The following RPN1 variants were observed in gnomAD, a reference collection of about 807,000 sequenced individuals.
The protein encoded by RPN1 is ribophorin I.
Under a neutral mutation model 55.5 loss-of-function variants are expected in RPN1, and 12 were observed. That is an observed-to-expected ratio of 0.22 (90% CI 0.14 to 0.35). The LOEUF is 0.35. Ranked by LOEUF, RPN1 falls within the 10% of genes least tolerant of loss-of-function variation. The pLI, the probability that RPN1 is intolerant of heterozygous loss-of-function variation, is 1.00. For missense variants in RPN1, 679 were observed against 761.3 expected (o/e 0.89, Z 1.27); for synonymous variants, 317 against 305.9 (o/e 1.04, Z -0.38).
At chr3:128,648,056 C>T (rs561264957) in intron 1 of RPN1, among the ~76,000 whole-genome samples, 18 of 152,044 alleles carry the variant, frequency 1.2e-4, no homozygotes, top group African/African-American at 4.3e-4. Context: ...GTCAGGAGTT[C>T]GAGAGCAGCC....
intron 2 of RPN1, among the ~76,000 whole-genome samples, chr3:128,638,307 C>T (rs2069696667): frequency 6.6e-6 from 1 of 152,138 alleles, no homozygotes; most frequent in African/African-American, 2.4e-5. Flanking sequence ...CCACAACCTC[C>T]ACCTCTTGGG....
chr3:128,631,878 G>GA, intron 4 of RPN1, 70 bp downstream of exon 4: 5 of 1,551,702 alleles, frequency 3.2e-6, no homozygotes, highest in Non-Finnish European at 4.4e-6. Flanking sequence ...AGCTAGTTTC[G>GA]AAAAGCAAAG....
At chr3:128,629,039 C>G (rs2107715017) in intron 5 of RPN1, among the ~76,000 whole-genome samples, 1 of 152,134 alleles carries the variant, frequency 6.6e-6, no homozygotes, top group South Asian at 2.1e-4. Context: ...TAGAGATATA[C>G]ACTTGGGTGA....
At chr3:128,636,503 C>T (rs887821678) in intron 3 of RPN1, among the ~76,000 whole-genome samples, 1 of 149,512 alleles carries the variant, frequency 6.7e-6, no homozygotes, top group African/African-American at 2.5e-5. Flanking sequence ...AAAAAAGAAA[C>T]AATTATTTCA....
intron 9 of RPN1, among the ~76,000 whole-genome samples, chr3:128,621,655 A>T (rs1025963779): frequency 3.9e-5 from 6 of 152,196 alleles, no homozygotes; most frequent in Non-Finnish European, 8.8e-5. Flanking sequence ...CATAGCTTGT[A>T]TCAGGACAGG....
In RPN1 at chr3:128,632,135, T is replaced by G. The variant is rs752445372; in HGVS notation, c.656A>C (p.Glu219Ala). The G allele has an allele frequency of 1.9e-6, 3 of 1,614,114 alleles. No individual in the cohort carries two copies. The highest frequency in any genetic ancestry group is 4.5e-5 in the East Asian group (2 of 44,896). ...GATGGTCAGGAAAGGGCTGTTGTTC[T>G]CATAATGTACTTTAAAAGTATCCTG... ...YSQDTFKVHY[E>A]NNSPFLTITS... The change falls in exon 4 of 10, where the codon GAG (glutamate) becomes GCG (alanine). Residue 219 changes from glutamate to alanine, a missense_variant. By Grantham distance (107) the Glu-to-Ala change is moderately radical. Coordinates refer to ENST00000296255, the MANE Select transcript of RPN1 (RefSeq NM_002950.4).
At chr3:128,647,591 C>G (rs2069778300) in intron 1 of RPN1, among the ~76,000 whole-genome samples, 1 of 150,982 alleles carries the variant, frequency 6.6e-6, no homozygotes, top group South Asian at 2.1e-4. Flanking sequence ...ACTCAGGGGG[C>G]TAGGTGGGAG....
Position 128,637,106 on chromosome 3 carries a change from C to T in RPN1, c.633+693G>A, listed in dbSNP as rs759818717. 2.0e-5 allele frequency among the ~76,000 whole-genome samples: 3 copies of T among 152,024 alleles called. No individual in the cohort carries two copies. In the South Asian group the frequency reaches 6.3e-4, roughly 32 times the overall value. On this transcript the variant is annotated intron_variant, in intron 3 of 9. Coordinates refer to ENST00000296255, the MANE Select transcript of RPN1 (RefSeq NM_002950.4). The stretch of plus-strand genomic sequence containing the variant: ...ATAAAAAATTAACTGGGCATGGTGA[C>T]GCACACCTGTCACTCCAGCTACATG...
At chr3:128,645,750 G>C (rs2069762237) in intron 1 of RPN1, among the ~76,000 whole-genome samples, 1 of 152,150 alleles carries the variant, frequency 6.6e-6, no homozygotes, top group Non-Finnish European at 1.5e-5. Flanking sequence ...CTGGGAGGCA[G>C]AGGTTGCAGT....
At chr3:128,647,550 G>T (rs2069777618) in intron 1 of RPN1, among the ~76,000 whole-genome samples, 1 of 152,002 alleles carries the variant, frequency 6.6e-6, no homozygotes, top group African/African-American at 2.4e-5. Flanking sequence ...TAATTAGCCA[G>T]GCGTAGTGGT....
intron 6 of RPN1, among the ~76,000 whole-genome samples, chr3:128,626,508 T>C (rs147679206): frequency 6.6e-6 from 1 of 152,312 alleles, no homozygotes; most frequent in African/African-American, 2.4e-5. Context: ...GAACTACTCT[T>C]CCACTATGGA....
At position 128,625,664 on chromosome 3, in the gene RPN1, C is replaced by G; in HGVS notation, c.1276-11G>C. 6.2e-7 allele frequency: 1 copy of G among 1,613,912 alleles called. No individual in the cohort carries two copies. Among genetic ancestry groups the G allele is most frequent in the Non-Finnish European group, 8.5e-7 (1 of 1,180,002 alleles). ...GAACGTGTAGTGGACCTGGGAGAAG[C>G]AAGAGGACAGGCTTCATCGGGGCTG... On this transcript the variant is annotated splice_polypyrimidine_tract_variant and intron_variant, in intron 7 of 9. Coordinates refer to ENST00000296255, the MANE Select transcript of RPN1 (RefSeq NM_002950.4).
rs773568912 is a variant in RPN1 at position 128,625,538 on chromosome 3, G to C, written c.1391C>G (p.Thr464Ser). 8 of 1,614,078 alleles carry C rather than the reference G, an allele frequency of 5.0e-6. No homozygotes were observed. In the South Asian group the frequency reaches 8.8e-5, roughly 18 times the overall value. The change falls in exon 8 of 10, where the codon ACC becomes AGC. Residue 464 changes from threonine (T) to serine (S), a missense_variant. Coordinates refer to ENST00000296255, the MANE Select transcript of RPN1 (RefSeq NM_002950.4). ...IIYVRLDFSI[T>S]KDPAAEARMK... Reference sequence around the variant, plus strand: ...GGAAGAAGGCAGAGACGGTACCTTGGTGATGGAGAAGTCCAGCCGAACATA... The same window carrying C: ...GGAAGAAGGCAGAGACGGTACCTTGCTGATGGAGAAGTCCAGCCGAACATA...
intron 2 of RPN1, chr3:128,640,933 T>A (rs529480100): frequency 2.6e-5 from 4 of 152,304 alleles, no homozygotes; most frequent in Admixed American, 2.6e-4. Context: ...ATAATTTAAT[T>A]TTGCTTTGAT....
chr3:128,640,091 G>A lies in RPN1; in HGVS notation c.327-1986C>T, dbSNP rs149068939. The stretch of plus-strand genomic sequence containing the variant: ...GGAGGCTGAGACAGGAGAATTGCTT[G>A]AACCTGGGAGGCGGAGGTTGCAGTG... On this transcript the variant is annotated intron_variant, in intron 2 of 9. Coordinates refer to ENST00000296255, the MANE Select transcript of RPN1 (RefSeq NM_002950.4). 4.7e-3 allele frequency among the ~76,000 whole-genome samples: 709 copies of A among 152,138 alleles called. 11 individuals are homozygous for A. The highest frequency in any genetic ancestry group is 0.016 in the African/African-American group (676 of 41,526).
intron 2 of RPN1, among the ~76,000 whole-genome samples, chr3:128,639,444 T>G (rs920124435): frequency 8.5e-6 from 1 of 118,136 alleles, no homozygotes; most frequent in African/African-American, 3.3e-5. Flanking sequence ...CAGAGCGAGA[T>G]ACCGTCTCAA....
Position 128,632,113 on chromosome 3 carries a change from G to A in RPN1, c.678C>T (p.Thr226=), listed in dbSNP as rs1206796051. Residue 226 remains threonine, a synonymous_variant, in exon 4 of 10, where the codon ACC becomes ACT. Transcript: ENST00000296255. ...CAATGACTCGGGTCATGCTGGTGAT[G>A]GTCAGGAAAGGGCTGTTGTTCTCAT... ...VHYENNSPFL[T]ITSMTRVIEV... 1 of 1,614,128 alleles carries A rather than the reference G, an allele frequency of 6.2e-7. No homozygotes were observed. The highest frequency in any genetic ancestry group is 8.5e-7 in the Non-Finnish European group (1 of 1,180,032).
intron 7 of RPN1, 59 bp downstream of exon 7, chr3:128,625,815 C>T (rs773656328): frequency 3.2e-6 from 5 of 1,558,274 alleles, no homozygotes; most frequent in Non-Finnish European, 4.4e-6. Flanking sequence ...GAGTTCTTGG[C>T]CCCCAGAGCC....
At chr3:128,649,140 T>C (rs1226039524) in intron 1 of RPN1, among the ~76,000 whole-genome samples, 1 of 152,192 alleles carries the variant, frequency 6.6e-6, no homozygotes. Context: ...ATTACCCGGA[T>C]TGTGGTAATG....
Sources: gnomAD v4.1 joint callset for allele counts (sites outside exome capture counted in the v4.1 genomes callset) on GRCh38, gnomAD v4.1.1 for gene constraint, MANE v1.5 for transcripts, NCBI Gene and HGNC (gene_info 2026-07-23, HGNC 2026-07-21) for gene names.